DMD: variants seen among roughly 807,000 people sequenced by gnomAD.
DMD encodes the protein dystrophin, also known as mutant dystrophin.
In DMD, 63 loss-of-function variants were observed where a neutral mutation model predicts 330.1. That is an observed-to-expected ratio of 0.19 (90% CI 0.16 to 0.24). The LOEUF (loss-of-function observed/expected upper bound fraction) is 0.24, where lower values mean the gene tolerates loss of function less well. Among genes scored for constraint, DMD ranks in the 10% least tolerant of loss-of-function variants. The probability of loss-of-function intolerance (pLI) is 1.00; values close to 1 mark genes in which losing one functional copy is unlikely to be tolerated. For missense variants in DMD, 3,344 were observed against 2,684.1 expected, an observed-to-expected ratio of 1.25 and a Z score of -5.43; for synonymous variants, 1,223 against 959.8, an observed-to-expected ratio of 1.27 and a Z score of -5.07.
intron 1 of DMD, among the ~76,000 whole-genome samples, chrX:33,107,307 TG>T (rs2095297547): frequency 8.2e-5 from 3 of 36,709 alleles, no homozygotes; most frequent in East Asian, 1.1e-3. Flanking sequence ...AGCGAAGCTC[TG>T]TCCCCCCCCC....
chrX:32,225,842 T>G (rs2097145919), intron 43 of DMD, among the ~76,000 whole-genome samples: 1 of 110,744 alleles, frequency 9.0e-6, no homozygotes, highest in Admixed American at 9.7e-5. Flanking sequence ...ATGCTTCCTG[T>G]AGAGCCTGCA....
chrX:32,902,775 T>C (rs1369063383), intron 2 of DMD, among the ~76,000 whole-genome samples: 3 of 110,664 alleles, frequency 2.7e-5, no homozygotes, highest in Non-Finnish European at 5.6e-5. Context: ...TAAAACATGA[T>C]TGATATAGGA....
chrX:32,610,880 G>A (rs1204407297), intron 12 of DMD, among the ~76,000 whole-genome samples: 2 of 110,661 alleles, frequency 1.8e-5, no homozygotes, highest in Non-Finnish European at 3.8e-5. Flanking sequence ...TACAATTCTT[G>A]GGAAAAAAAG....
chrX:31,452,072 C>T (rs889029559), intron 59 of DMD, among the ~76,000 whole-genome samples: 1 of 109,048 alleles, frequency 9.2e-6, no homozygotes, highest in Non-Finnish European at 1.9e-5. Flanking sequence ...ATCAGAAACA[C>T]TTAAGAAAGG....
intron 1 of DMD, among the ~76,000 whole-genome samples, chrX:33,142,515 C>A (rs1443895701): frequency 8.9e-6 from 1 of 112,568 alleles, no homozygotes; most frequent in Admixed American, 9.4e-5. Context: ...GTGAAACATA[C>A]CAAAGGAAAG....
rs34835188 is a variant in DMD at position 31,278,015 on chromosome X, T to TA, written c.9225-17000dup. Among the ~76,000 whole-genome samples, 10 of 21,864 alleles carry TA rather than the reference T, an allele frequency of 4.6e-4. No homozygotes were observed. The South Asian group carries it at 5.5e-3, about 12-fold the overall frequency. The allele number at this position is 21,864 out of a possible 115,157, so 19.0% of individuals were successfully genotyped here. A position where few individuals can be genotyped will look rare whatever the true frequency, so the allele number is the denominator to read the frequency against. Reference sequence around the variant, plus strand: ...CTGTATCTAAAATAGAAGTTGAAATTAAAAAAAAAAAAAAAATATGAAAGT... The same window carrying TA: ...CTGTATCTAAAATAGAAGTTGAAATTAAAAAAAAAAAAAAAAATATGAAAGT... On this transcript the variant is annotated intron_variant, in intron 62 of 78. Coordinates refer to ENST00000357033, the MANE Select transcript of DMD (RefSeq NM_004006.3).
intron 16 of DMD, among the ~76,000 whole-genome samples, chrX:32,563,893 A>G (rs911650672): frequency 8.9e-6 from 1 of 111,754 alleles, no homozygotes; most frequent in Non-Finnish European, 1.9e-5. Flanking sequence ...TCAGGAGTAC[A>G]TATGAAGGTT....
chrX:32,677,003 T>C (rs2062016992), intron 9 of DMD, among the ~76,000 whole-genome samples: 1 of 111,816 alleles, frequency 8.9e-6, no homozygotes, highest in South Asian at 3.6e-4. Flanking sequence ...TTTAAAAATA[T>C]ATGTAAAAGA....
At chrX:32,243,955 CT>C (rs145842581) in intron 43 of DMD, among the ~76,000 whole-genome samples, 7,660 of 101,531 alleles carry the variant, frequency 0.075, 246 homozygotes, top group African/African-American at 0.13. Context: ...GAGGAACGAA[CT>C]TTTTTTTTTT....
chrX:31,381,959 CA>C (rs2060206038), intron 60 of DMD, among the ~76,000 whole-genome samples: 5 of 111,676 alleles, frequency 4.5e-5, no homozygotes, highest in Non-Finnish European at 9.4e-5. Context: ...TGCCCCGAGT[CA>C]AGAAACTAAA....
At chrX:31,190,962 C>T (rs996904500) in intron 67 of DMD, among the ~76,000 whole-genome samples, 1 of 111,490 alleles carries the variant, frequency 9.0e-6, no homozygotes, top group African/African-American at 3.3e-5. Flanking sequence ...ATGCCACACT[C>T]GTTCATAAAC....
At chrX:32,055,661 A>C (rs185276346) in intron 44 of DMD, among the ~76,000 whole-genome samples, 72 of 111,955 alleles carry the variant, frequency 6.4e-4, no homozygotes, top group African/African-American at 2.2e-3. Flanking sequence ...GTCAATTAAA[A>C]AAATTCTTCA....
At chrX:33,262,985 A>G (rs1015338585) in intron 1 of DMD, among the ~76,000 whole-genome samples, 1 of 110,927 alleles carries the variant, frequency 9.0e-6, no homozygotes, top group East Asian at 2.8e-4. Flanking sequence ...ATATAATTTC[A>G]TACTCATCAA....
intron 1 of DMD, among the ~76,000 whole-genome samples, chrX:33,119,240 A>G (rs929447105): frequency 9.0e-6 from 1 of 111,525 alleles, no homozygotes; most frequent in Non-Finnish European, 1.9e-5. Flanking sequence ...TATATGTTTT[A>G]TATATATATA....
At chrX:32,088,387 A>C (rs1171989579) in intron 44 of DMD, among the ~76,000 whole-genome samples, 2 of 110,096 alleles carry the variant, frequency 1.8e-5, no homozygotes, top group Non-Finnish European at 3.8e-5. Flanking sequence ...CCTGGAAAGT[A>C]ATCTCAGATA....
rs184478373 is a variant in DMD, at chrX:32,468,348, C to A, written c.3162+150G>T. 133 of 483,826 alleles carry A rather than the reference C, an allele frequency of 2.7e-4. 1 individual carries two copies. Among genetic ancestry groups the A allele is most frequent in the African/African-American group, 1.4e-3 (58 of 41,097 alleles). 39.9% of individuals were successfully genotyped at this position (483,826 alleles called of 1,213,427 possible). On this transcript the variant is annotated intron_variant, in intron 23 of 78. Coordinates refer to ENST00000357033, the MANE Select transcript of DMD (RefSeq NM_004006.3). ...TAGAAGGAATAAGCAAATCGCCATC[C>A]TTTGTAAAAGACTCATGTCTTTTCA...
At chrX:33,333,193 G>C (rs772384799) in intron 1 of DMD, among the ~76,000 whole-genome samples, 1 of 111,324 alleles carries the variant, frequency 9.0e-6, no homozygotes, top group Non-Finnish European at 1.9e-5. Context: ...AAATTGACTA[G>C]ATGGTTAAAA....
intron 7 of DMD, among the ~76,000 whole-genome samples, chrX:32,727,944 C>T (rs1415795409): frequency 9.0e-6 from 1 of 111,492 alleles, no homozygotes; most frequent in Non-Finnish European, 1.9e-5. Flanking sequence ...AAGGGCATTA[C>T]TGCTTGTCAG....
At chrX:32,762,617 G>A (rs982430680) in intron 7 of DMD, among the ~76,000 whole-genome samples, 2 of 110,966 alleles carry the variant, frequency 1.8e-5, no homozygotes, top group East Asian at 2.9e-4. Flanking sequence ...GAGACCTTTC[G>A]GCTCAGACTG....
Sources: allele counts gnomAD v4.1 joint callset (sites outside exome capture counted in the v4.1 genomes callset), GRCh38; gene constraint gnomAD v4.1.1; transcripts MANE v1.5; gene names NCBI Gene and HGNC (gene_info 2026-07-23, HGNC 2026-07-21).